EPG5: variants seen among roughly 807,000 people sequenced by gnomAD.
EPG5 encodes ectopic P granules protein 5 homolog.
Under a neutral mutation model 302.7 loss-of-function variants are expected in EPG5, and 159 were observed. The ratio of observed to expected loss-of-function variants is 0.53; its 90% CI spans 0.46 to 0.60. The LOEUF (loss-of-function observed/expected upper bound fraction) is 0.60, where lower values mean the gene tolerates loss of function less well. Among genes scored for constraint, EPG5 ranks in the 20% least tolerant of loss-of-function variants. The pLI, the probability that EPG5 is intolerant of heterozygous loss-of-function variation, is 0.00. For missense variants in EPG5, 2,896 were observed against 3,092.4 expected, an observed-to-expected ratio of 0.94 and a Z score of 1.51; for synonymous variants, 1,158 against 1,136.8, an observed-to-expected ratio of 1.02 and a Z score of -0.37.
At chr18:45,943,837 C>T (rs965887450) in intron 8 of EPG5, among the ~76,000 whole-genome samples, 168 bp downstream of exon 8, 2 of 151,876 alleles carry the variant, frequency 1.3e-5, no homozygotes, top group Non-Finnish European at 2.9e-5. Flanking sequence ...AGGAGAATGG[C>T]GTGAACCTGG....
At chr18:45,879,675 G>A (rs1183460938) in intron 32 of EPG5, among the ~76,000 whole-genome samples, 2 of 152,118 alleles carry the variant, frequency 1.3e-5, no homozygotes, top group African/African-American at 2.4e-5. Context: ...GGCCATCAGT[G>A]GGTTTCAAAC....
chr18:45,939,434 G>T (rs1238630193), intron 10 of EPG5, among the ~76,000 whole-genome samples, 166 bp downstream of exon 10: 1 of 152,112 alleles, frequency 6.6e-6, no homozygotes, highest in African/African-American at 2.4e-5. Flanking sequence ...CAACAGGTGG[G>T]TACTACAGAT....
At chr18:45,951,739 G>A (rs1285659760) in intron 3 of EPG5, among the ~76,000 whole-genome samples, 3 of 152,084 alleles carry the variant, frequency 2.0e-5, no homozygotes, top group Non-Finnish European at 4.4e-5. Context: ...GATTACAGGT[G>A]TGAGCCACCA....
Position 45,955,163 on chromosome 18 carries a change from A to T in EPG5, c.239T>A (p.Met80Lys). Residue 80 changes from methionine (M) to lysine (K), a missense_variant, in exon 2 of 44, where the codon ATG becomes AAG. Met to Lys is a moderately conservative substitution (Grantham distance 95, BLOSUM62 -1). Transcript: ENST00000282041. ...TAAGGAGGTGAGTGGTACATCAAAC[A>T]TTTCACTCTCATTTTGTCCACTGGC... ...DDASGQNESE[M>K]FDVPLTSLTI... The T allele has an allele frequency of 6.2e-7, 1 of 1,613,860 alleles. No individual in the cohort carries two copies. The highest frequency in any genetic ancestry group is 8.5e-7 in the Non-Finnish European group (1 of 1,179,966).
chr18:45,916,430 GC>G lies in EPG5; in HGVS notation c.3384+7del. 1.2e-6 allele frequency: 2 copies of G among 1,607,294 alleles called. No individual in the cohort carries two copies. Among genetic ancestry groups the G allele is most frequent in the African/African-American group, 2.7e-5 (2 of 74,900 alleles). On this transcript the variant is annotated splice_region_variant and intron_variant, in intron 18 of 43. Transcript: ENST00000282041. ...GGGAGTGTGCTTAGGGGCTTGCAAGGCCCTCACCTGGATCATGCTGTTGAGA... is the reference window on the plus strand; with the variant it reads ...GGGAGTGTGCTTAGGGGCTTGCAAGGCCTCACCTGGATCATGCTGTTGAGA...
Position 45,915,989 on chromosome 18 carries a change from T to C in EPG5, c.3582+20A>G, listed in dbSNP as rs1209552634. The C allele has an allele frequency of 1.3e-6, 2 of 1,589,158 alleles. No homozygotes were observed. Among genetic ancestry groups the C allele is most frequent in the Non-Finnish European group, 1.7e-6 (2 of 1,169,344 alleles). On this transcript the variant is annotated intron_variant, in intron 19 of 43. Transcript: ENST00000282041. ...ATCTAGCCAATCACTGAAAGATAAATTCTCTAACAGGTTAATTACCTTATG... is the reference window on the plus strand; with the variant it reads ...ATCTAGCCAATCACTGAAAGATAAACTCTCTAACAGGTTAATTACCTTATG...
chr18:45,939,704 G>T lies in EPG5; in HGVS notation c.1995C>A (p.Asn665Lys), dbSNP rs1405394413. The T allele has an allele frequency of 1.2e-6, 2 of 1,613,800 alleles. No individual in the cohort carries two copies. Among genetic ancestry groups the T allele is most frequent in the African/African-American group, 1.3e-5 (1 of 74,908 alleles). Residue 665 changes from asparagine to lysine, a missense_variant, in exon 10 of 44, where the codon AAC becomes AAA. By Grantham distance (94) the Asn-to-Lys change is moderately conservative. Transcript: ENST00000282041. ...GCTGTTGGGCCAATCCTGAGCCTTG[G>T]TTATGGCTCACATACTGTGCCCAAT... ...SDHWAQYVSH[N>K]QGSGLAQQPY...
chr18:45,878,568 A>G, intron 33 of EPG5, 120 bp from the exon 34 acceptor site: 2 of 653,810 alleles, frequency 3.1e-6, no homozygotes, highest in Non-Finnish European at 5.3e-6. Context: ...ATGTTAATGT[A>G]TAAACAACAT....
rs2145310998 is a variant in EPG5, at chr18:45,870,724, T to A, written c.6068A>T (p.Asp2023Val). The change falls in exon 36 of 44, where the codon GAT (aspartate) becomes GTT (valine). Residue 2023 changes from aspartate to valine, a missense_variant. This residue lies in a region of EPG5 where 620 missense variants were observed against 704.2 expected (regional missense o/e 0.88). Coordinates refer to ENST00000282041, the MANE Select transcript of EPG5 (RefSeq NM_020964.3). ...ESFKDKLLPG[D>V]AGALWLHLMH... ...CAGGTGCAACCAAAGGGCTCCTGCA[T>A]CACCTGGCAACAGCTTATCTAGAAT... is the stretch of plus-strand genomic sequence containing the variant. 1 of 1,606,660 alleles carries A rather than the reference T, an allele frequency of 6.2e-7. No homozygotes were observed. The highest frequency in any genetic ancestry group is 1.1e-5 in the South Asian group (1 of 90,584).
In EPG5 at chr18:45,915,612, C is replaced by T; in HGVS notation, c.3592G>A (p.Gly1198Ser). 2.5e-6 allele frequency: 4 copies of T among 1,613,722 alleles called. No homozygotes were observed. Among genetic ancestry groups the T allele is most frequent in the Non-Finnish European group, 3.4e-6 (4 of 1,179,732 alleles). ...LLYQQHKNAL[G>S]YHCDRSLLSS... is the part of the protein sequence containing the mutation. ...AGCAGACTCCGGTCACAGTGGTAACCCAAGGCATTCTACACCGGGAGATGT... is the reference window on the plus strand; with the variant it reads ...AGCAGACTCCGGTCACAGTGGTAACTCAAGGCATTCTACACCGGGAGATGT... The change falls in exon 20 of 44, where the codon GGT becomes AGT. Residue 1198 changes from glycine to serine, a missense_variant. Around this residue, in one of 5 missense-constraint regions of EPG5, gnomAD observed 1,390 missense variants for 1,430.0 expected, o/e 0.97. Transcript: ENST00000282041.
At chr18:45,804,986 T>G in the EPG5 span, among the ~76,000 whole-genome samples, 15 of 152,228 alleles carry the variant, frequency 9.9e-5, no homozygotes, top group Middle Eastern at 3.4e-3. Flanking sequence ...GTTTGCATAT[T>G]TTATGCAAAG....
the EPG5 span, chr18:45,841,994 C>A: frequency 1.0e-6 from 1 of 989,482 alleles, no homozygotes; most frequent in Non-Finnish European, 1.6e-6. Flanking sequence ...CGGTTCCAGC[C>A]GCACTGCTCC....
chr18:45,852,517 G>T lies in EPG5; in HGVS notation c.7690C>A (p.Leu2564Ile). 2.5e-6 allele frequency: 4 copies of T among 1,614,240 alleles called. No individual in the cohort carries two copies. The highest frequency in any genetic ancestry group is 3.4e-6 in the Non-Finnish European group (4 of 1,180,044). Residue 2564 changes from leucine (L) to isoleucine (I), a missense_variant, in exon 44 of 44, where the codon CTC becomes ATC. Leu to Ile is a conservative substitution (Grantham distance 5). Around this residue, in one of 5 missense-constraint regions of EPG5, gnomAD observed 620 missense variants for 704.2 expected, o/e 0.88. Coordinates refer to ENST00000282041, the MANE Select transcript of EPG5 (RefSeq NM_020964.3). Reference sequence around the variant, plus strand: ...ACTTCTGGATACAGACAGTTAACGAGAAGAGCCAAGAAGCTTTTCCCATCT... The same window carrying T: ...ACTTCTGGATACAGACAGTTAACGATAAGAGCCAAGAAGCTTTTCCCATCT... ...LQDGKSFLALLVNCLYPEVHY... is the reference protein window; with the variant it reads ...LQDGKSFLALIVNCLYPEVHY...
At chr18:45,955,918 G>A (rs2051018336) in intron 1 of EPG5, among the ~76,000 whole-genome samples, 1 of 152,102 alleles carries the variant, frequency 6.6e-6, no homozygotes, top group East Asian at 1.9e-4. Flanking sequence ...ATTAACAGAA[G>A]GAATGAGAAA....
the EPG5 span, among the ~76,000 whole-genome samples, chr18:45,829,836 G>GC: frequency 2.0e-5 from 3 of 152,120 alleles, no homozygotes; most frequent in Non-Finnish European, 2.9e-5. Flanking sequence ...TATGGTGACT[G>GC]CCCACTTGGT....
the EPG5 span, chr18:45,840,080 C>T: frequency 1.1e-6 from 1 of 946,790 alleles, no homozygotes; most frequent in South Asian, 1.7e-5. Context: ...TCACACCCTG[C>T]TAGTCTGCTG....
At chr18:45,953,825 G>T (rs189131446) in intron 2 of EPG5, 4 of 985,112 alleles carry the variant, frequency 4.1e-6, no homozygotes, top group Non-Finnish European at 4.8e-6. Context: ...ACTCAATGGG[G>T]AAGACCATTG....
intron 1 of EPG5, among the ~76,000 whole-genome samples, chr18:45,964,875 G>A (rs1423361255): frequency 6.6e-6 from 1 of 152,094 alleles, no homozygotes; most frequent in Non-Finnish European, 1.5e-5. Context: ...ATTGCTTGAA[G>A]CCAGGTGGCA....
the EPG5 span, among the ~76,000 whole-genome samples, chr18:45,825,290 G>T: frequency 2.0e-5 from 3 of 149,086 alleles, no homozygotes; most frequent in Non-Finnish European, 4.5e-5. Context: ...GAAGAAGGGA[G>T]GGAGAAAGGG....
Sources: gnomAD v4.1 joint callset for allele counts (sites outside exome capture counted in the v4.1 genomes callset) on GRCh38, gnomAD v4.1.1 for gene constraint, gnomAD v4.1.1 regional missense constraint, MANE v1.5 for transcripts, NCBI Gene and HGNC (gene_info 2026-07-23, HGNC 2026-07-21) for gene names.